SLC66A1: variants seen among roughly 807,000 people sequenced by gnomAD.
SLC66A1 encodes lysosomal amino acid transporter 1 homolog.
A neutral mutation model predicts 33.0 loss-of-function variants in SLC66A1; 23 were observed. The observed-to-expected ratio is 0.70, with a 90% CI of 0.50 to 0.99. The LOEUF is 0.99. SLC66A1 is among the 50% of genes least tolerant of loss of function. The pLI is 0.00. For synonymous variants in SLC66A1, 164 were observed against 175.5 expected, an observed-to-expected ratio of 0.93 and a Z score of 0.52; for missense variants, 335 against 383.6, an observed-to-expected ratio of 0.87 and a Z score of 1.06.
intron 3 of SLC66A1, among the ~76,000 whole-genome samples, chr1:19,325,156 T>C (rs115507351): frequency 0.015 from 2,304 of 152,264 alleles, 70 homozygotes; most frequent in African/African-American, 0.052. Context: ...GGCATTGTCT[T>C]CCCATGTGGG....
In SLC66A1 at chr1:19,322,569, C is replaced by G. The variant is rs145675100; in HGVS notation, c.165-2064C>G. 7.1e-3 allele frequency among the ~76,000 whole-genome samples: 1,077 copies of G among 152,294 alleles called. 6 individuals are homozygous for G. The highest frequency in any genetic ancestry group is 0.037 in the Middle Eastern group (11 of 294). On this transcript the variant is annotated intron_variant, in intron 2 of 7. Coordinates refer to ENST00000375153, the MANE Select transcript of SLC66A1 (RefSeq NM_001040125.2). ...CTGTCCTCAGGAAACTTGAGGGAAT[C>G]TGGGAGGGACGGGGATGTCAAGTGT... is the stretch of plus-strand genomic sequence containing the variant.
chr1:19,313,783 C>T (rs1326460416), intron 1 of SLC66A1, among the ~76,000 whole-genome samples: 1 of 152,204 alleles, frequency 6.6e-6, no homozygotes, highest in Admixed American at 6.5e-5. Context: ...GGACTTCATC[C>T]TGTAGACAAA....
chr1:19,317,299 G>A (rs561249106), intron 1 of SLC66A1, among the ~76,000 whole-genome samples: 8 of 152,320 alleles, frequency 5.3e-5, no homozygotes, highest in African/African-American at 1.4e-4. Context: ...CTCAGGCACA[G>A]AAAGGCTGAG....
At chr1:19,319,757 G>A (rs1177135831) in intron 2 of SLC66A1, among the ~76,000 whole-genome samples, 1 of 151,314 alleles carries the variant, frequency 6.6e-6, no homozygotes, top group Non-Finnish European at 1.5e-5. Context: ...ACAAAAATTA[G>A]CGGGGTGTGG....
At chr1:19,325,861 G>T (rs1003413343) in intron 4 of SLC66A1, among the ~76,000 whole-genome samples, 1 of 152,180 alleles carries the variant, frequency 6.6e-6, no homozygotes, top group Non-Finnish European at 1.5e-5. Context: ...CTCTGTGTCC[G>T]GCCCTGGGCT....
At chr1:19,327,746 A>C in intron 7 of SLC66A1, 7 of 467,544 alleles carry the variant, frequency 1.5e-5, no homozygotes, top group Non-Finnish European at 2.7e-5. Flanking sequence ...GAAAAACAAC[A>C]AGAGCGTCTA....
At chr1:19,327,574 T>C in intron 7 of SLC66A1, 162 bp downstream of exon 7, 1 of 864,640 alleles carries the variant, frequency 1.2e-6, no homozygotes. Context: ...CACCCAGTCG[T>C]GCACACCTCC....
At chr1:19,321,233 G>A (rs1239409222) in intron 2 of SLC66A1, among the ~76,000 whole-genome samples, 1 of 129,730 alleles carries the variant, frequency 7.7e-6, no homozygotes, top group Non-Finnish European at 1.5e-5. Context: ...GAGTGCAGTA[G>A]TGTGATCACA....
At chr1:19,332,764 T>C (rs2093896210), downstream of SLC66A1, among the ~76,000 whole-genome samples, 1 of 152,190 alleles carries the variant, frequency 6.6e-6, no homozygotes, top group African/African-American at 2.4e-5. Context: ...TGCTCCTTCC[T>C]GCAGGTCATG....
rs147589782 is a variant in SLC66A1, at chr1:19,321,499, A to G, written c.165-3134A>G. On this transcript the variant is annotated intron_variant, in intron 2 of 7. Transcript: ENST00000375153. ...AGCATCTCTTGTTCTAAGTGTTACA[A>G]AGATGTAACTCTTACATTTAGGTGT... is the stretch of plus-strand genomic sequence containing the variant. 5.3e-5 allele frequency among the ~76,000 whole-genome samples: 8 copies of G among 149,678 alleles called. No homozygotes were observed. The East Asian group carries it at 1.4e-3, about 25-fold the overall frequency.
intron 1 of SLC66A1, among the ~76,000 whole-genome samples, chr1:19,316,353 T>TTGTGTGTGTG (rs36226389): frequency 1.7e-3 from 252 of 144,910 alleles, no homozygotes; most frequent in South Asian, 1.0e-2. Context: ...TCTTTATGGT[T>TTGTGTGTGTG]TGTGTGTGTG....
downstream of SLC66A1, among the ~76,000 whole-genome samples, chr1:19,332,636 A>T (rs542043561): frequency 6.6e-6 from 1 of 152,272 alleles, no homozygotes; most frequent in Non-Finnish European, 1.5e-5. Flanking sequence ...ATAAAGGCGA[A>T]TCTCATCGAT....
chr1:19,316,350 GGTTTGTGTGTGT>G (rs1055495418), intron 1 of SLC66A1, among the ~76,000 whole-genome samples: 6 of 119,998 alleles, frequency 5.0e-5, no homozygotes, highest in Non-Finnish European at 8.8e-5. Context: ...AACTCTTTAT[GGTTTGTGTGTGT>G]GTGTGTGTGT....
chr1:19,325,642 G>T (rs1195005291), intron 4 of SLC66A1, 60 bp downstream of exon 4: 59 of 1,301,156 alleles, frequency 4.5e-5, no homozygotes, highest in South Asian at 1.6e-4. Flanking sequence ...CAGTTGTGGG[G>T]GGGGGCGCCT....
intron 1 of SLC66A1, among the ~76,000 whole-genome samples, chr1:19,316,035 C>T (rs859214): frequency 0.022 from 3,294 of 152,226 alleles, 129 homozygotes; most frequent in African/African-American, 0.076. Flanking sequence ...ATGGCCCAGC[C>T]GAGCCTCACT....
At chr1:19,320,101 A>G (rs1324215501) in intron 2 of SLC66A1, among the ~76,000 whole-genome samples, 1 of 150,956 alleles carries the variant, frequency 6.6e-6, no homozygotes, top group Non-Finnish European at 1.5e-5. Flanking sequence ...GGGCTTCACC[A>G]TGTTGCCCAG....
rs578032015 is a variant in SLC66A1, at chr1:19,320,694, C to T, written c.164+2853C>T. ...CCTCCCAAAGTGCTGGGATTACAGG[C>T]GTGAGCCACCGCACCTGGCCTCACT... On this transcript the variant is annotated intron_variant, in intron 2 of 7. Transcript: ENST00000375153. Among the ~76,000 whole-genome samples the T allele has an allele frequency of 2.1e-4, 32 of 150,536 alleles. 1 individual carries two copies. In the South Asian group the frequency reaches 2.3e-3, roughly 11 times the overall value.
intron 1 of SLC66A1, 145 bp from the exon 2 acceptor site, chr1:19,317,455 C>T: frequency 1.8e-6 from 2 of 1,084,674 alleles, no homozygotes; most frequent in Admixed American, 3.1e-5. Flanking sequence ...TGATTGGGTC[C>T]TGGTGGGTGA....
downstream of SLC66A1, among the ~76,000 whole-genome samples, chr1:19,332,711 C>T (rs1014051223): frequency 1.3e-5 from 2 of 152,346 alleles, no homozygotes; most frequent in African/African-American, 2.4e-5. Flanking sequence ...CCAAGTTAAA[C>T]GCCTCCACAG....
Sources: allele counts gnomAD v4.1 joint callset (sites outside exome capture counted in the v4.1 genomes callset), GRCh38; gene constraint gnomAD v4.1.1; transcripts MANE v1.5; gene names NCBI Gene and HGNC (gene_info 2026-07-23, HGNC 2026-07-21).